Variants in ARSB observed in about 807,000 individuals in gnomAD.
ARSB encodes the protein N-acetylgalactosamine-4-sulfatase.
ARSB carries 41 observed loss-of-function variants against 50.9 expected under a neutral mutation model. The observed-to-expected ratio is 0.81, with a 90% confidence interval of 0.63 to 1.04. The LOEUF (loss-of-function observed/expected upper bound fraction) is 1.04, where lower values mean the gene tolerates loss of function less well. Among genes scored for constraint, ARSB ranks in the 50% least tolerant of loss-of-function variants. The pLI, the probability that ARSB is intolerant of heterozygous loss-of-function variation, is 0.00. For synonymous variants in ARSB, 269 were observed against 284.8 expected, an observed-to-expected ratio of 0.94 and a Z score of 0.56; for missense variants, 672 against 693.3, an observed-to-expected ratio of 0.97 and a Z score of 0.35.
At chr5:78,870,180 C>G (rs544405715) in intron 5 of ARSB, among the ~76,000 whole-genome samples, 1 of 148,980 alleles carries the variant, frequency 6.7e-6, no homozygotes, top group East Asian at 1.9e-4. Flanking sequence ...CAATATTTTA[C>G]CAACCAAAAA....
intron 6 of ARSB, among the ~76,000 whole-genome samples, chr5:78,812,730 T>C (rs1409222018): frequency 3.9e-5 from 6 of 152,114 alleles, no homozygotes; most frequent in Non-Finnish European, 8.8e-5. Flanking sequence ...TGGTGGCTCA[T>C]GCCTGTAATC....
intron 3 of ARSB, among the ~76,000 whole-genome samples, chr5:78,960,097 C>T (rs1350677391): frequency 6.6e-6 from 1 of 152,222 alleles, no homozygotes; most frequent in Non-Finnish European, 1.5e-5. Flanking sequence ...CTACCTGTAA[C>T]CCTTTCCAGT....
chr5:78,944,542 A>G (rs59331831), intron 4 of ARSB, among the ~76,000 whole-genome samples: 5,294 of 152,208 alleles, frequency 0.035, 290 homozygotes, highest in African/African-American at 0.12. Flanking sequence ...CTGGAGGTCC[A>G]CTCCAGACCC....
intron 6 of ARSB, among the ~76,000 whole-genome samples, chr5:78,792,544 T>G (rs1742995293): frequency 6.6e-6 from 1 of 152,212 alleles, no homozygotes. Context: ...AAGCTCTTTT[T>G]CTTATCTTAT....
At chr5:78,888,085 G>A (rs1342207034) in intron 4 of ARSB, among the ~76,000 whole-genome samples, 1 of 152,118 alleles carries the variant, frequency 6.6e-6, no homozygotes, top group Non-Finnish European at 1.5e-5. Context: ...GTTAGATCAG[G>A]TGAGGAAACA....
intron 6 of ARSB, among the ~76,000 whole-genome samples, chr5:78,797,951 G>C (rs1366625849): frequency 6.6e-6 from 1 of 152,190 alleles, no homozygotes; most frequent in Non-Finnish European, 1.5e-5. Flanking sequence ...GGAGGAGTTA[G>C]ACTAGAAGAA....
chr5:78,978,053 A>C (rs1257178063), intron 1 of ARSB, among the ~76,000 whole-genome samples: 1 of 152,210 alleles, frequency 6.6e-6, no homozygotes, highest in East Asian at 1.9e-4. Context: ...AGAAGACCTA[A>C]ATAGGCTGGG....
chr5:78,801,506 C>T (rs528104216), intron 6 of ARSB, among the ~76,000 whole-genome samples: 24 of 152,206 alleles, frequency 1.6e-4, no homozygotes, highest in African/African-American at 5.3e-4. Context: ...AGCAATTGAA[C>T]GTGTAGGTTT....
chr5:78,885,924 A>C, intron 4 of ARSB, 97 bp from the exon 5 acceptor site: 1 of 1,578,420 alleles, frequency 6.3e-7, no homozygotes, highest in Non-Finnish European at 8.6e-7. Context: ...ATGGTGCTTA[A>C]ATAATAAAAA....
intron 4 of ARSB, among the ~76,000 whole-genome samples, chr5:78,901,375 A>G (rs1748799207): frequency 6.6e-6 from 1 of 152,190 alleles, no homozygotes; most frequent in Admixed American, 6.5e-5. Flanking sequence ...ACTGCAATCA[A>G]TTTTCAAATA....
chr5:78,794,163 T>G (rs1209204569), intron 6 of ARSB, among the ~76,000 whole-genome samples: 1 of 152,180 alleles, frequency 6.6e-6, no homozygotes, highest in Non-Finnish European at 1.5e-5. Flanking sequence ...TCAGGCTTAC[T>G]ATAAGCTGGG....
intron 6 of ARSB, among the ~76,000 whole-genome samples, chr5:78,805,310 A>C (rs1018465675): frequency 1.3e-5 from 2 of 152,258 alleles, no homozygotes; most frequent in Admixed American, 1.3e-4. Flanking sequence ...TCAGAGCATA[A>C]GTCAGCCAAC....
intron 4 of ARSB, among the ~76,000 whole-genome samples, chr5:78,925,730 A>G (rs1580069999): frequency 1.3e-5 from 2 of 152,218 alleles, no homozygotes; most frequent in East Asian, 1.9e-4. Flanking sequence ...AATGGAAAGT[A>G]AAAGATCTAA....
At chr5:78,901,924 G>A (rs984985898) in intron 4 of ARSB, among the ~76,000 whole-genome samples, 5 of 152,228 alleles carry the variant, frequency 3.3e-5, no homozygotes, top group Admixed American at 6.5e-5. Flanking sequence ...ATAAATTGCT[G>A]GTGGGAGTGT....
intron 4 of ARSB, among the ~76,000 whole-genome samples, chr5:78,893,956 A>ATTT (rs34032086): frequency 1.3e-5 from 2 of 152,146 alleles, no homozygotes; most frequent in Non-Finnish European, 1.5e-5. Context: ...AGGCAAACTA[A>ATTT]TTTTTTTGGC....
In ARSB at chr5:78,964,583, A is replaced by G. The variant is rs748739839; in HGVS notation, c.523T>C (p.Tyr175His). Residue 175 changes from tyrosine (Y) to histidine (H), a missense_variant, in exon 3 of 8, where the codon TAT becomes CAT. Tyr to His is a moderately conservative substitution (Grantham distance 83). Coordinates refer to ENST00000264914, the MANE Select transcript of ARSB (RefSeq NM_000046.5). ...YFGYLLGSED[Y>H]YSHERCTLID... ...AATGTACAGCGTTCATGGGAATAAT[A>G]ATCTTCACTACCCAGGAGATATCCT... 17 of 1,613,742 alleles carry G rather than the reference A, an allele frequency of 1.1e-5. No individual in the cohort carries two copies. The highest frequency in any genetic ancestry group is 1.6e-4 in the Middle Eastern group (1 of 6,062).
At chr5:78,916,983 A>T (rs1196818988) in intron 4 of ARSB, among the ~76,000 whole-genome samples, 1 of 152,258 alleles carries the variant, frequency 6.6e-6, no homozygotes, top group Non-Finnish European at 1.5e-5. Flanking sequence ...AGCAAATAAT[A>T]AACGTTGAGA....
chr5:78,835,451 T>C (rs1301077574), intron 6 of ARSB, among the ~76,000 whole-genome samples: 1 of 152,052 alleles, frequency 6.6e-6, no homozygotes, highest in Non-Finnish European at 1.5e-5. Flanking sequence ...AGAGGAGACA[T>C]TGGTCAACAA....
chr5:78,928,858 AG>A (rs1310454090), intron 4 of ARSB, among the ~76,000 whole-genome samples: 2 of 152,198 alleles, frequency 1.3e-5, no homozygotes, highest in Non-Finnish European at 2.9e-5. Context: ...TGAACACTCC[AG>A]GAAGATGTGC....
Sources: allele counts gnomAD v4.1 joint callset (sites outside exome capture counted in the v4.1 genomes callset), GRCh38; gene constraint gnomAD v4.1.1; transcripts MANE v1.5; gene names NCBI Gene and HGNC (gene_info 2026-07-23, HGNC 2026-07-21).